The following B4GALNT1 variants were observed in gnomAD, a reference collection of about 807,000 sequenced individuals.
The protein encoded by B4GALNT1 is beta-1,4-N-acetyl-galactosaminyltransferase 1, also known as beta-1,4 N-acetylgalactosaminyltransferase 1.
Under a neutral mutation model 55.2 loss-of-function variants are expected in B4GALNT1, and 43 were observed. That is an observed-to-expected ratio of 0.78 (90% confidence interval 0.61 to 1.00). The LOEUF (loss-of-function observed/expected upper bound fraction) is 1.00, where lower values mean the gene tolerates loss of function less well. Ranked by LOEUF, B4GALNT1 falls within the 50% of genes least tolerant of loss-of-function variation. B4GALNT1 has a pLI of 0.00. For synonymous variants in B4GALNT1, 305 were observed against 311.6 expected (o/e 0.98, Z 0.22); for missense variants, 664 against 729.7 (o/e 0.91, Z 1.04).
chr12:57,629,970 A>G, intron 6 of B4GALNT1, 182 bp downstream of exon 6: 1 of 1,537,656 alleles, frequency 6.5e-7, no homozygotes, highest in Non-Finnish European at 8.7e-7. Context: ...CCAGCCCCAG[A>G]TGAACAAAGG....
In B4GALNT1 at chr12:57,626,626, A is replaced by G; in HGVS notation, c.*118T>C. 8.5e-7 allele frequency: 1 copy of G among 1,172,088 alleles called. No individual in the cohort carries two copies. The allele number at this position is 1,172,088 out of a possible 1,614,324, so 72.6% of individuals were successfully genotyped here. On this transcript the variant is annotated 3_prime_UTR_variant, in exon 11 of 11. Coordinates refer to ENST00000341156, the MANE Select transcript of B4GALNT1 (RefSeq NM_001478.5). ...CAGGTTCTGAAAAGGAAGAGTGAGGAACTAGAGGCTCAGGGACAGCCAGTA... is the reference window on the plus strand; with the variant it reads ...CAGGTTCTGAAAAGGAAGAGTGAGGGACTAGAGGCTCAGGGACAGCCAGTA...
In B4GALNT1 at chr12:57,626,553, G is replaced by A. The variant is rs1013401171; in HGVS notation, c.*191C>T. 6.1e-5 allele frequency: 39 copies of A among 642,978 alleles called. 1 individual carries two copies. The highest frequency in any genetic ancestry group is 2.4e-4 in the African/African-American group (13 of 54,706). 39.8% of individuals were successfully genotyped at this position (642,978 alleles called of 1,614,324 possible). On this transcript the variant is annotated 3_prime_UTR_variant, in exon 11 of 11. Coordinates refer to ENST00000341156, the MANE Select transcript of B4GALNT1 (RefSeq NM_001478.5). ...AGGTTATGGCTCCACCAGGCCTCTG[G>A]GCACTGGAAAAAGGAGGGGTGTCAC...
intron 10 of B4GALNT1, among the ~76,000 whole-genome samples, 178 bp from the exon 11 acceptor site, chr12:57,627,139 A>G (rs1440967794): frequency 6.6e-6 from 1 of 152,154 alleles, no homozygotes; most frequent in East Asian, 1.9e-4. Flanking sequence ...AAATGGAGTC[A>G]ATATACTTGT....
chr12:57,630,932 G>T, intron 4 of B4GALNT1, 48 bp downstream of exon 4: 1 of 1,552,952 alleles, frequency 6.4e-7, no homozygotes, highest in South Asian at 1.1e-5. Context: ...CTTGGGCTCT[G>T]CCACCCCCAC....
chr12:57,625,115 A>G lies in B4GALNT1; in HGVS notation c.*1629T>C, dbSNP rs1361733423. On this transcript the variant is annotated 3_prime_UTR_variant, in exon 11 of 11. Coordinates refer to ENST00000341156, the MANE Select transcript of B4GALNT1 (RefSeq NM_001478.5). ...TCGGGAGTGGTGACTGCCCTTCTTTACTTATAGGAGACTTCAAAGCCAGAT... is the reference window on the plus strand; with the variant it reads ...TCGGGAGTGGTGACTGCCCTTCTTTGCTTATAGGAGACTTCAAAGCCAGAT... 3.7e-6 allele frequency: 6 copies of G among 1,613,858 alleles called. No individual in the cohort carries two copies. The African/African-American group carries it at 6.7e-5, about 18-fold the overall frequency.
In B4GALNT1 at chr12:57,627,790, G is replaced by C. The variant is rs374497472; in HGVS notation, c.1212C>G (p.Pro404=). Residue 404 remains proline (P), a synonymous_variant, in exon 10 of 11, where the codon CCC becomes CCG. Transcript: ENST00000341156. ...TTYRQLLSVE[P]GAPGLGNCLR... Reference sequence around the variant, plus strand: ...GGCAGTTCCCGAGGCCTGGGGCGCCGGGCTCCACGCTCAGCAGCTGCCGAT... The same window carrying C: ...GGCAGTTCCCGAGGCCTGGGGCGCCCGGCTCCACGCTCAGCAGCTGCCGAT... 1.3e-6 allele frequency: 2 copies of C among 1,598,844 alleles called. No homozygotes were observed. The highest frequency in any genetic ancestry group is 1.1e-5 in the South Asian group (1 of 89,458).
intron 8 of B4GALNT1, chr12:57,628,503 G>T: frequency 1.2e-6 from 1 of 807,564 alleles, no homozygotes; most frequent in Non-Finnish European, 1.9e-6. Context: ...CTATTTTATT[G>T]AATGCCATTA....
In B4GALNT1 at chr12:57,630,961, C is replaced by T; in HGVS notation, c.490+19G>A. On this transcript the variant is annotated intron_variant, in intron 4 of 10. Transcript: ENST00000341156. ...CCCCCACTGTGGCTGAGGTCATCCT[C>T]TGGGACCCTCCTCCCTACCTGGCAC... 1 of 1,606,194 alleles carries T rather than the reference C, an allele frequency of 6.2e-7. No homozygotes were observed. The highest frequency in any genetic ancestry group is 8.5e-7 in the Non-Finnish European group (1 of 1,174,532).
Position 57,625,733 on chromosome 12 carries a change from C to T in B4GALNT1, c.*1011G>A. 1 of 1,527,826 alleles carries T rather than the reference C, an allele frequency of 6.5e-7. No individual in the cohort carries two copies. The highest frequency in any genetic ancestry group is 8.8e-7 in the Non-Finnish European group (1 of 1,139,958). 94.6% of individuals were successfully genotyped at this position (1,527,826 alleles called of 1,614,324 possible). A position where few individuals can be genotyped will look rare whatever the true frequency, so the allele number is the denominator to read the frequency against. Reference sequence around the variant, plus strand: ...GGAGCGGGAGCCAGGAGGCACTGGGCTGCGGCAAGTGAGGCAGGGGTAAGT... The same window carrying T: ...GGAGCGGGAGCCAGGAGGCACTGGGTTGCGGCAAGTGAGGCAGGGGTAAGT... On this transcript the variant is annotated 3_prime_UTR_variant, in exon 11 of 11. Coordinates refer to ENST00000341156, the MANE Select transcript of B4GALNT1 (RefSeq NM_001478.5).
intron 2 of B4GALNT1, among the ~76,000 whole-genome samples, 153 bp downstream of exon 2, chr12:57,631,762 C>G (rs1245861343): frequency 2.0e-5 from 3 of 152,080 alleles, no homozygotes; most frequent in Admixed American, 6.6e-5. Context: ...TTTCCCCAGC[C>G]CAAGCCTCAG....
In B4GALNT1 at chr12:57,625,592, G is replaced by A. The variant is rs1382773130; in HGVS notation, c.*1152C>T. ...ACCCTCCCCACATAGCCTTGGTGCAGGGGACACTGACCCGGGTAGGACTCC... is the reference window on the plus strand; with the variant it reads ...ACCCTCCCCACATAGCCTTGGTGCAAGGGACACTGACCCGGGTAGGACTCC... On this transcript the variant is annotated 3_prime_UTR_variant, in exon 11 of 11. Transcript: ENST00000341156. The A allele has an allele frequency of 1.3e-6, 2 of 1,595,716 alleles. No homozygotes were observed. Among genetic ancestry groups the A allele is most frequent in the Non-Finnish European group, 1.7e-6 (2 of 1,169,640 alleles).
chr12:57,626,529 G>T lies in B4GALNT1; in HGVS notation c.*215C>A. The stretch of plus-strand genomic sequence containing the variant: ...AGGACTTGGCACTGGCTGTGGGAGA[G>T]GTTATGGCTCCACCAGGCCTCTGGG... On this transcript the variant is annotated 3_prime_UTR_variant, in exon 11 of 11. Transcript: ENST00000341156. 2 of 592,236 alleles carry T rather than the reference G, an allele frequency of 3.4e-6. No individual in the cohort carries two copies. 36.7% of individuals were successfully genotyped at this position (592,236 alleles called of 1,614,324 possible).
At chr12:57,631,829 G>T in intron 2 of B4GALNT1, 86 bp downstream of exon 2, 1 of 1,234,890 alleles carries the variant, frequency 8.1e-7, no homozygotes, top group East Asian at 2.9e-5. Context: ...GAGAATGCAG[G>T]CATCTGAGCC....
chr12:57,623,945 G>T lies in B4GALNT1; in HGVS notation c.*2799C>A. 6.2e-7 allele frequency: 1 copy of T among 1,613,554 alleles called. No individual in the cohort carries two copies. Among genetic ancestry groups the T allele is most frequent in the South Asian group, 1.1e-5 (1 of 91,024 alleles). The stretch of plus-strand genomic sequence containing the variant: ...AGCAGAGGAGGCATGAGCATGGCTG[G>T]GAGGGGTAGCTGTATTCCAGGACAT... On this transcript the variant is annotated 3_prime_UTR_variant, in exon 11 of 11. Transcript: ENST00000341156.
chr12:57,628,929 T>A (rs1192250512), intron 7 of B4GALNT1, 26 bp from the exon 8 acceptor site: 1 of 1,613,672 alleles, frequency 6.2e-7, no homozygotes, highest in Admixed American at 1.7e-5. Flanking sequence ...CAGGGTTGGG[T>A]GCAGACAAGG....
chr12:57,627,120 C>T (rs532181845), intron 10 of B4GALNT1, among the ~76,000 whole-genome samples, 159 bp from the exon 11 acceptor site: 1 of 152,258 alleles, frequency 6.6e-6, no homozygotes, highest in African/African-American at 2.4e-5. Context: ...CTCAGTCTTA[C>T]TCTTGTGTAA....
chr12:57,627,890 G>A, intron 9 of B4GALNT1, 32 bp from the exon 10 acceptor site: 1 of 1,541,174 alleles, frequency 6.5e-7, no homozygotes, highest in South Asian at 1.2e-5. Context: ...CTCCAGGCGG[G>A]CCTGGGATAG....
At position 57,632,065 on chromosome 12, in the gene B4GALNT1, A is replaced by C; in HGVS notation, c.68T>G (p.Leu23Arg). The change falls in exon 2 of 11, where the codon CTG becomes CGG. Residue 23 changes from leucine to arginine, a missense_variant. Transcript: ENST00000341156. The stretch of plus-strand genomic sequence containing the variant: ...GGGCGCGTCCCGGGTGCTCGCGTAC[A>C]GGAGCCCCAGCGAGGCGCAGGCGAG... Reference protein sequence around the residue: ...LLLACASLGLLYASTRDAPGL... With the variant: ...LLLACASLGLRYASTRDAPGL... 3 of 1,444,640 alleles carry C rather than the reference A, an allele frequency of 2.1e-6. No individual in the cohort carries two copies. Among genetic ancestry groups the C allele is most frequent in the Non-Finnish European group, 1.8e-6 (2 of 1,096,978 alleles). 89.5% of individuals were successfully genotyped at this position (1,444,640 alleles called of 1,614,324 possible). A position where few individuals can be genotyped will look rare whatever the true frequency, so the allele number is the denominator to read the frequency against.
In B4GALNT1 at chr12:57,632,076, C is replaced by G. The variant is rs967726005; in HGVS notation, c.57G>C (p.Ser19=). 5 of 1,442,572 alleles carry G rather than the reference C, an allele frequency of 3.5e-6. No individual in the cohort carries two copies. In the African/African-American group the frequency reaches 7.3e-5, roughly 21 times the overall value. The allele number at this position is 1,442,572 out of a possible 1,614,324, so 89.4% of individuals were successfully genotyped here. The change falls in exon 2 of 11, where the codon TCG becomes TCC. Residue 19 remains serine (S), a synonymous_variant. Transcript: ENST00000341156. ...GGGTGCTCGCGTACAGGAGCCCCAGCGAGGCGCAGGCGAGCAGAAGGACCA... is the reference window on the plus strand; with the variant it reads ...GGGTGCTCGCGTACAGGAGCCCCAGGGAGGCGCAGGCGAGCAGAAGGACCA... The part of the protein sequence containing the change: ...CALVLLLACA[S]LGLLYASTRD...
Sources: gnomAD v4.1 joint callset for allele counts (sites outside exome capture counted in the v4.1 genomes callset) on GRCh38, gnomAD v4.1.1 for gene constraint, MANE v1.5 for transcripts, NCBI Gene and HGNC (gene_info 2026-07-23, HGNC 2026-07-21) for gene names.